C11orf65: variants seen among roughly 807,000 people sequenced by gnomAD.
The protein encoded by C11orf65 is chromosome 11 open reading frame 65.
A neutral mutation model predicts 35.3 loss-of-function variants in C11orf65; 38 were observed. The ratio of observed to expected loss-of-function variants is 1.08; its 90% CI spans 0.83 to 1.41. The LOEUF (loss-of-function observed/expected upper bound fraction) is 1.41. Ranked by LOEUF, C11orf65 falls within the 40% of genes most tolerant of loss-of-function variation. The pLI, the probability that C11orf65 is intolerant of heterozygous loss-of-function variation, is 0.00. For synonymous variants in C11orf65, 105 were observed against 114.4 expected, an observed-to-expected ratio of 0.92 and a Z score of 0.53; for missense variants, 370 against 367.1, an observed-to-expected ratio of 1.01 and a Z score of -0.06.
At chr11:108,464,507 G>A (rs1314198063) in intron 1 of C11orf65, among the ~76,000 whole-genome samples, 1 of 152,118 alleles carries the variant, frequency 6.6e-6, no homozygotes, top group African/African-American at 2.4e-5. Flanking sequence ...CACTACAGGT[G>A]TGCACCACCG....
At chr11:108,401,347 T>C (rs1431291820) in intron 6 of C11orf65, among the ~76,000 whole-genome samples, 3 of 151,650 alleles carry the variant, frequency 2.0e-5, no homozygotes, top group Non-Finnish European at 4.4e-5. Context: ...AAACAAAAAC[T>C]CAGCTGTACG....
chr11:108,312,322 G>A, intron 6 of C11orf65: 1 of 996,564 alleles, frequency 1.0e-6, no homozygotes, highest in South Asian at 1.4e-5. Flanking sequence ...ACCTTCATTA[G>A]TTTTTTTCTG....
intron 2 of C11orf65, among the ~76,000 whole-genome samples, chr11:108,444,678 G>A (rs942741474): frequency 6.6e-6 from 1 of 152,104 alleles, no homozygotes; most frequent in African/African-American, 2.4e-5. Context: ...CAGCATGAGC[G>A]ACGCAGAAGA....
In C11orf65 at chr11:108,408,401, G is replaced by A. The variant is rs140884451; in HGVS notation, c.175-1252C>T. 2.5e-3 allele frequency among the ~76,000 whole-genome samples: 378 copies of A among 151,980 alleles called. 8 individuals are homozygous for A. In the East Asian group the frequency reaches 0.05, roughly 20 times the overall value. On this transcript the variant is annotated intron_variant, in intron 3 of 8. Transcript: ENST00000393084. ...CCATGTTTAAAATTCTGGGCCGGGCGTGGTGGCTCACACCTGTAATCCCAA... is the reference window on the plus strand; with the variant it reads ...CCATGTTTAAAATTCTGGGCCGGGCATGGTGGCTCACACCTGTAATCCCAA...
intron 3 of C11orf65, among the ~76,000 whole-genome samples, chr11:108,411,967 G>T (rs934618563): frequency 6.6e-6 from 1 of 151,430 alleles, no homozygotes; most frequent in African/African-American, 2.4e-5. Flanking sequence ...GTAGAGACGG[G>T]GTTTCACCAC....
intron 2 of C11orf65, among the ~76,000 whole-genome samples, chr11:108,456,725 T>C (rs1241557040): frequency 6.6e-6 from 1 of 150,666 alleles, no homozygotes; most frequent in Non-Finnish European, 1.5e-5. Context: ...TACAGTGAAC[T>C]GTGATCATGC....
chr11:108,438,552 A>G (rs1298584157), intron 2 of C11orf65, among the ~76,000 whole-genome samples: 4 of 97,806 alleles, frequency 4.1e-5, no homozygotes, highest in African/African-American at 1.5e-4. Flanking sequence ...TTTCGTCTGG[A>G]AAAAAAAAAA....
At chr11:108,466,105 ATAAGT>A (rs2093534001) in intron 1 of C11orf65, among the ~76,000 whole-genome samples, 1 of 152,268 alleles carries the variant, frequency 6.6e-6, no homozygotes, top group South Asian at 2.1e-4. Context: ...AAAAAAAGGG[ATAAGT>A]TAAATGGTAA....
Position 108,447,240 on chromosome 11 carries a change from C to T in C11orf65, c.81+14239G>A, listed in dbSNP as rs559759618. On this transcript the variant is annotated intron_variant, in intron 2 of 8. Coordinates refer to ENST00000393084, the MANE Select transcript of C11orf65 (RefSeq NM_152587.5). ...ACAGATCAACGAGACAGAAAGTTAA[C>T]AAGGATACCCAGAAATTGAACTCAG... 2.0e-3 allele frequency among the ~76,000 whole-genome samples: 308 copies of T among 152,192 alleles called. 2 individuals are homozygous for T. Among genetic ancestry groups the T allele is most frequent in the African/African-American group, 7.1e-3 (293 of 41,502 alleles).
intron 6 of C11orf65, among the ~76,000 whole-genome samples, chr11:108,396,703 A>G (rs2028155): frequency 0.53 from 79,838 of 151,132 alleles, 21,850 homozygotes; most frequent in Middle Eastern, 0.74. Context: ...GCGTGGTGGC[A>G]GGTGCTTGTA....
intron 2 of C11orf65, among the ~76,000 whole-genome samples, chr11:108,354,433 G>C (rs1309795302): frequency 6.6e-6 from 1 of 152,132 alleles, no homozygotes; most frequent in South Asian, 2.1e-4. Flanking sequence ...TACTAAAAAA[G>C]CTTTGCAGTT....
chr11:108,420,897 G>C (rs1376458630), intron 3 of C11orf65, among the ~76,000 whole-genome samples: 1 of 152,056 alleles, frequency 6.6e-6, no homozygotes, highest in Non-Finnish European at 1.5e-5. Context: ...TTACAGGTGT[G>C]AGCTACCGCA....
chr11:108,430,421 G>A (rs925964667), intron 3 of C11orf65, among the ~76,000 whole-genome samples: 7 of 151,116 alleles, frequency 4.6e-5, no homozygotes, highest in African/African-American at 1.7e-4. Context: ...TTACAGGTGT[G>A]AGCCACTGCG....
chr11:108,440,844 T>C (rs2093141025), intron 2 of C11orf65, among the ~76,000 whole-genome samples: 1 of 152,142 alleles, frequency 6.6e-6, no homozygotes, highest in Admixed American at 6.5e-5. Context: ...ATATGACCGA[T>C]AGGAAGAGGA....
At chr11:108,326,396 C>T (rs1165809641) in intron 6 of C11orf65, among the ~76,000 whole-genome samples, 2 of 150,070 alleles carry the variant, frequency 1.3e-5, no homozygotes, top group South Asian at 2.1e-4. Context: ...AGTTTAGAAA[C>T]TTTTTCCTAT....
chr11:108,384,507 A>T (rs1479580459), intron 8 of C11orf65, among the ~76,000 whole-genome samples: 2 of 152,138 alleles, frequency 1.3e-5, no homozygotes, highest in Non-Finnish European at 2.9e-5. Context: ...GGAGCCAAAA[A>T]TCAAACCCAG....
chr11:108,420,450 T>C (rs2092799331), intron 3 of C11orf65, among the ~76,000 whole-genome samples: 1 of 152,162 alleles, frequency 6.6e-6, no homozygotes, highest in South Asian at 2.1e-4. Flanking sequence ...CAATGGCTTC[T>C]AGACCCATCT....
chr11:108,352,241 A>T (rs986854672), intron 2 of C11orf65, among the ~76,000 whole-genome samples: 1 of 152,242 alleles, frequency 6.6e-6, no homozygotes, highest in African/African-American at 2.4e-5. Flanking sequence ...CCATCATAAA[A>T]ACACTGAAGG....
At chr11:108,351,226 A>G (rs1051964705) in intron 2 of C11orf65, among the ~76,000 whole-genome samples, 1 of 152,194 alleles carries the variant, frequency 6.6e-6, no homozygotes, top group Non-Finnish European at 1.5e-5. Flanking sequence ...AGAAATCAGG[A>G]TAGTGGTGAC....
Sources: gnomAD v4.1 joint callset for allele counts (sites outside exome capture counted in the v4.1 genomes callset) on GRCh38, gnomAD v4.1.1 for gene constraint, MANE v1.5 for transcripts, NCBI Gene and HGNC (gene_info 2026-07-23, HGNC 2026-07-21) for gene names.